The following ATP8A1 variants were observed in gnomAD, a reference collection of about 807,000 sequenced individuals.
ATP8A1 encodes phospholipid-transporting ATPase IA.
A neutral mutation model predicts 177.7 loss-of-function variants in ATP8A1; 90 were observed. The observed-to-expected ratio is 0.51, with a 90% CI of 0.43 to 0.60. The LOEUF (loss-of-function observed/expected upper bound fraction) is 0.60. Ranked by LOEUF, ATP8A1 falls within the 20% of genes least tolerant of loss-of-function variation. The probability of loss-of-function intolerance (pLI) is 0.00; values close to 1 mark genes in which losing one functional copy is unlikely to be tolerated. For synonymous variants in ATP8A1, 493 were observed against 485.9 expected (o/e 1.01, Z -0.19); for missense variants, 1,072 against 1,392.8 (o/e 0.77, Z 3.67).
intron 1 of ATP8A1, among the ~76,000 whole-genome samples, chr4:42,650,663 A>G (rs1740995459): frequency 6.6e-6 from 1 of 152,214 alleles, no homozygotes. Context: ...TTCTGGATAC[A>G]TCGTTTAGCA....
intron 33 of ATP8A1, among the ~76,000 whole-genome samples, chr4:42,428,460 C>G (rs901172978): frequency 3.4e-4 from 52 of 152,176 alleles, no homozygotes; most frequent in African/African-American, 1.3e-3. Flanking sequence ...TACCCTGTGT[C>G]CAATATTTCA....
intron 35 of ATP8A1, among the ~76,000 whole-genome samples, chr4:42,417,742 TTAAAA>T (rs1282432055): frequency 2.6e-5 from 4 of 152,158 alleles, no homozygotes; most frequent in Non-Finnish European, 5.9e-5. Context: ...GGTTGACTCA[TTAAAA>T]TAAATCTCCA....
In ATP8A1 at chr4:42,448,396, C is replaced by CTTTACTTTTTTTT. The variant is rs778022629; in HGVS notation, c.2897-1753_2897-1752insAAAAAAAAGTAAA. 5.1e-3 allele frequency among the ~76,000 whole-genome samples: 426 copies of CTTTACTTTTTTTT among 84,082 alleles called. 90 individuals are homozygous for CTTTACTTTTTTTT. Among genetic ancestry groups the CTTTACTTTTTTTT allele is most frequent in the South Asian group, 0.015 (34 of 2,234 alleles). The allele number at this position is 84,082 out of a possible 152,430, so 55.2% of individuals were successfully genotyped here. A position where few individuals can be genotyped will look rare whatever the true frequency, so the allele number is the denominator to read the frequency against. On this transcript the variant is annotated intron_variant, in intron 30 of 36. Transcript: ENST00000381668. ...GTAGCCTCCCTCCCTCCTTCTCTTT[C>CTTTACTTTTTTTT]TTTTCTTTTTTTTTTTTTTGAGATG...
chr4:42,642,796 A>T (rs1740141783), intron 1 of ATP8A1, among the ~76,000 whole-genome samples: 1 of 152,206 alleles, frequency 6.6e-6, no homozygotes, highest in African/African-American at 2.4e-5. Flanking sequence ...TTAGCTCCCT[A>T]GACCTGCTGG....
At chr4:42,534,443 C>T (rs1488462493) in intron 20 of ATP8A1, among the ~76,000 whole-genome samples, 1 of 151,920 alleles carries the variant, frequency 6.6e-6, no homozygotes, top group Non-Finnish European at 1.5e-5. Context: ...TTTTAAATTA[C>T]CCCAATCTGA....
At position 42,552,796 on chromosome 4, in the gene ATP8A1, T is replaced by C. The variant is rs192003371; in HGVS notation, c.1414-186A>G. On this transcript the variant is annotated intron_variant, in intron 16 of 36. Coordinates refer to ENST00000381668, the MANE Select transcript of ATP8A1 (RefSeq NM_006095.2). The stretch of plus-strand genomic sequence containing the variant: ...TAAGGTCAGGAGTTTGAGACCAGCC[T>C]GGTGAAACCCCGTCTCTACTGAAAA... Among the ~76,000 whole-genome samples the C allele has an allele frequency of 8.5e-5, 13 of 152,292 alleles. No individual in the cohort carries two copies. The East Asian group carries it at 2.3e-3, about 27-fold the overall frequency.
chr4:42,422,944 G>A, intron 34 of ATP8A1, 45 bp from the exon 35 acceptor site: 2 of 1,490,776 alleles, frequency 1.3e-6, no homozygotes, highest in Non-Finnish European at 1.8e-6. Context: ...ATACTTCTGT[G>A]AAGATTTTAC....
chr4:42,477,291 G>A (rs561130024), intron 25 of ATP8A1, among the ~76,000 whole-genome samples: 189 of 152,226 alleles, frequency 1.2e-3, no homozygotes, highest in African/African-American at 4.2e-3. Flanking sequence ...ACAACAAGGC[G>A]TCATTTCACA....
intron 33 of ATP8A1, among the ~76,000 whole-genome samples, chr4:42,434,187 T>A (rs533610573): frequency 8.5e-5 from 13 of 152,186 alleles, no homozygotes; most frequent in South Asian, 4.2e-4. Context: ...GTAAAAAAAA[T>A]TTTTTTCATT....
rs570697765 is a variant in ATP8A1, at chr4:42,513,315, G to A, written c.1948-6161C>T. On this transcript the variant is annotated intron_variant, in intron 22 of 36. Coordinates refer to ENST00000381668, the MANE Select transcript of ATP8A1 (RefSeq NM_006095.2). Reference sequence around the variant, plus strand: ...AACAGTGCTCCCCTGGAAGAATCACGTTATATGTTATACCCTATCTTAAAA... The same window carrying A: ...AACAGTGCTCCCCTGGAAGAATCACATTATATGTTATACCCTATCTTAAAA... 9.2e-5 allele frequency among the ~76,000 whole-genome samples: 14 copies of A among 152,218 alleles called. No individual in the cohort carries two copies. The South Asian group carries it at 1.0e-3, about 11-fold the overall frequency.
At chr4:42,413,261 T>C (rs144188924) in intron 36 of ATP8A1, among the ~76,000 whole-genome samples, 1 of 152,310 alleles carries the variant, frequency 6.6e-6, no homozygotes, top group African/African-American at 2.4e-5. Flanking sequence ...GTAGGCACCC[T>C]CAATTCCCCT....
chr4:42,598,852 T>C (rs1734972452), intron 6 of ATP8A1, among the ~76,000 whole-genome samples: 1 of 152,194 alleles, frequency 6.6e-6, no homozygotes, highest in Non-Finnish European at 1.5e-5. Flanking sequence ...TTTTAGTGAT[T>C]CTAATTACTT....
At chr4:42,424,283 T>A (rs1288462821) in intron 33 of ATP8A1, among the ~76,000 whole-genome samples, 3 of 151,868 alleles carry the variant, frequency 2.0e-5, no homozygotes, top group Non-Finnish European at 4.4e-5. Flanking sequence ...CAAAAAAAAA[T>A]GATTCTGTAA....
chr4:42,435,441 A>AAAC (rs1715835565), intron 33 of ATP8A1, among the ~76,000 whole-genome samples: 10 of 107,922 alleles, frequency 9.3e-5, no homozygotes, highest in African/African-American at 3.7e-4. Flanking sequence ...AAAAAAAAAA[A>AAAC]AAAAAAAACA....
intron 20 of ATP8A1, among the ~76,000 whole-genome samples, chr4:42,528,511 C>T (rs1433365672): frequency 6.6e-6 from 1 of 151,886 alleles, no homozygotes; most frequent in East Asian, 1.9e-4. Context: ...CAAGTGGTGA[C>T]TCCAATTGTA....
At chr4:42,613,276 T>A (rs1736551123) in intron 5 of ATP8A1, among the ~76,000 whole-genome samples, 1 of 152,128 alleles carries the variant, frequency 6.6e-6, no homozygotes, top group Admixed American at 6.5e-5. Flanking sequence ...CAAATTCAAC[T>A]ACCAACATAA....
rs142164207 is a variant in ATP8A1, at chr4:42,500,365, A to AAAAACAAAACAAAAC, written c.2151+3070_2151+3084dup. Among the ~76,000 whole-genome samples the AAAAACAAAACAAAAC allele has an allele frequency of 6.1e-3, 905 of 149,420 alleles. 12 individuals carry two copies. The highest frequency in any genetic ancestry group is 0.022 in the African/African-American group (868 of 40,334). On this transcript the variant is annotated intron_variant, in intron 24 of 36. Coordinates refer to ENST00000381668, the MANE Select transcript of ATP8A1 (RefSeq NM_006095.2). ...GGGTGACACAGCGAGACTCGGTCTC[A>AAAAACAAAACAAAAC]AAAACAAAACAAAACAAAACAAAAC...
chr4:42,542,629 T>G (rs1339370336), intron 20 of ATP8A1, among the ~76,000 whole-genome samples: 1 of 152,082 alleles, frequency 6.6e-6, no homozygotes, highest in African/African-American at 2.4e-5. Context: ...ATGTTCCCCT[T>G]CCCGTGTCCA....
chr4:42,530,687 C>T (rs1328165482), intron 20 of ATP8A1, among the ~76,000 whole-genome samples: 7 of 152,310 alleles, frequency 4.6e-5, no homozygotes, highest in Non-Finnish European at 1.0e-4. Flanking sequence ...GGTGGAATGG[C>T]CTTTTGAGTT....
Sources: allele counts gnomAD v4.1 joint callset (sites outside exome capture counted in the v4.1 genomes callset), GRCh38; gene constraint gnomAD v4.1.1; transcripts MANE v1.5; gene names NCBI Gene and HGNC (gene_info 2026-07-23, HGNC 2026-07-21).